Variants in ZC3H12B observed in about 807,000 individuals in gnomAD.
ZC3H12B encodes zinc finger CCCH-type containing 12B, also known as probable ribonuclease ZC3H12B.
ZC3H12B carries 7 observed loss-of-function variants against 43.9 expected under a neutral mutation model. The observed-to-expected ratio is 0.16, with a 90% CI of 0.09 to 0.30. The LOEUF (loss-of-function observed/expected upper bound fraction) is 0.30. ZC3H12B is among the 10% of genes least tolerant of loss of function. The probability of loss-of-function intolerance (pLI) is 1.00; values close to 1 mark genes in which losing one functional copy is unlikely to be tolerated. For synonymous variants in ZC3H12B, 222 were observed against 241.7 expected (o/e 0.92, Z 0.76); for missense variants, 475 against 670.2 (o/e 0.71, Z 3.22).
chrX:65,105,822 A>G, the ZC3H12B span, among the ~76,000 whole-genome samples: 1 of 111,022 alleles, frequency 9.0e-6, no homozygotes, highest in African/African-American at 3.3e-5. Flanking sequence ...AGCCACACTG[A>G]TGGCACTGTA....
At chrX:65,106,637 G>A in the ZC3H12B span, among the ~76,000 whole-genome samples, 1 of 111,086 alleles carries the variant, frequency 9.0e-6, no homozygotes, top group African/African-American at 3.3e-5. Flanking sequence ...TAAGAAGAAA[G>A]GGAAGGAGGT....
At chrX:65,412,345 T>C in intron 3 of ZC3H12B, among the ~76,000 whole-genome samples, 1 of 111,902 alleles carries the variant, frequency 8.9e-6, no homozygotes, top group Non-Finnish European at 1.9e-5. Context: ...ACTTCATTCC[T>C]TTTTATGTCT....
chrX:65,468,273 G>T (rs1287396366), intron 3 of ZC3H12B, among the ~76,000 whole-genome samples: 2 of 111,118 alleles, frequency 1.8e-5, no homozygotes, highest in African/African-American at 6.5e-5. Flanking sequence ...TAAGTATTTG[G>T]CTTCATTTCT....
chrX:65,371,635 C>A (rs979172426), intron 2 of ZC3H12B, among the ~76,000 whole-genome samples: 9 of 111,990 alleles, frequency 8.0e-5, no homozygotes, highest in African/African-American at 2.9e-4. Context: ...AAGCTCTGAA[C>A]AAGATGCAAG....
chrX:65,248,768 G>A, the ZC3H12B span, among the ~76,000 whole-genome samples: 1 of 111,686 alleles, frequency 9.0e-6, no homozygotes, highest in African/African-American at 3.3e-5. Flanking sequence ...TTTGATTATG[G>A]CCATTCGTGC....
the ZC3H12B span, among the ~76,000 whole-genome samples, chrX:65,134,636 C>G: frequency 2.7e-5 from 3 of 111,555 alleles, no homozygotes; most frequent in East Asian, 8.6e-4. Context: ...GTAGGGGGAT[C>G]TCCTCACAGA....
the ZC3H12B span, among the ~76,000 whole-genome samples, chrX:65,280,074 A>G: frequency 8.9e-6 from 1 of 112,155 alleles, no homozygotes; most frequent in Non-Finnish European, 1.9e-5. Flanking sequence ...TAACTCTGAA[A>G]CCAAAAGCAA....
the ZC3H12B span, among the ~76,000 whole-genome samples, chrX:65,231,324 A>G: frequency 9.0e-6 from 1 of 111,211 alleles, no homozygotes; most frequent in African/African-American, 3.3e-5. Flanking sequence ...ATTACTGATG[A>G]GGGTCCATGT....
the ZC3H12B span, among the ~76,000 whole-genome samples, chrX:65,348,919 TG>T: frequency 9.0e-6 from 1 of 111,198 alleles, no homozygotes; most frequent in Non-Finnish European, 1.9e-5. Flanking sequence ...ACCATAATAG[TG>T]GGAGACTTTA....
the ZC3H12B span, among the ~76,000 whole-genome samples, chrX:65,037,821 C>T: frequency 1.7e-4 from 19 of 110,748 alleles, no homozygotes. Context: ...GTTTTTAGTA[C>T]TACATTTAGT....
chrX:65,155,725 T>C, the ZC3H12B span, among the ~76,000 whole-genome samples: 2 of 110,889 alleles, frequency 1.8e-5, no homozygotes, highest in Non-Finnish European at 3.8e-5. Context: ...CCAGGCGTGG[T>C]GGCAGGTGCC....
At position 65,453,249 on chromosome X, in the gene ZC3H12B, T is replaced by A. The variant is rs1018059915; in HGVS notation, n.408-35397T>A. Among the ~76,000 whole-genome samples the A allele has an allele frequency of 2.4e-4, 25 of 104,335 alleles. 2 individuals are homozygous for A. The Admixed American group carries it at 2.5e-3, about 11-fold the overall frequency. 90.6% of individuals were successfully genotyped at this position (104,335 alleles called of 115,157 possible). On this transcript the variant is annotated intron_variant and non_coding_transcript_variant, in intron 3 of 5. Transcript: ENST00000617377. ...GATCCAGCAATCCCACTACTCTATA[T>A]GTATCCAGAGGAAAAGAAGCCATTA...
the ZC3H12B span, among the ~76,000 whole-genome samples, chrX:65,157,310 CTTT>C: frequency 8.9e-6 from 1 of 112,277 alleles, no homozygotes; most frequent in Admixed American, 9.5e-5. Flanking sequence ...TGCCATTGGT[CTTT>C]TTTGATTTAA....
At chrX:65,062,132 T>C in the ZC3H12B span, among the ~76,000 whole-genome samples, 8 of 112,436 alleles carry the variant, frequency 7.1e-5, no homozygotes, top group Non-Finnish European at 1.3e-4. Context: ...ACTCTGATGA[T>C]AGTTTCTTTG....
the ZC3H12B span, among the ~76,000 whole-genome samples, chrX:65,091,604 A>C: frequency 8.9e-6 from 1 of 111,951 alleles, no homozygotes; most frequent in Non-Finnish European, 1.9e-5. Flanking sequence ...GTGATGTAAC[A>C]TGTTACTTAG....
chrX:65,390,589 A>C (rs754006107), intron 2 of ZC3H12B, among the ~76,000 whole-genome samples: 8 of 111,566 alleles, frequency 7.2e-5, no homozygotes, highest in Admixed American at 1.9e-4. Context: ...ACATATTCTT[A>C]GAGAATAAGA....
At chrX:65,388,806 A>G (rs1248634748) in intron 2 of ZC3H12B, among the ~76,000 whole-genome samples, 1 of 111,456 alleles carries the variant, frequency 9.0e-6, no homozygotes, top group Non-Finnish European at 1.9e-5. Context: ...ATGGTGACAT[A>G]CAGATGGGGT....
chrX:65,284,323 A>G, the ZC3H12B span, among the ~76,000 whole-genome samples: 1 of 110,959 alleles, frequency 9.0e-6, no homozygotes, highest in Non-Finnish European at 1.9e-5. Context: ...TTCTCCAGTA[A>G]TAGATCTTAA....
the ZC3H12B span, among the ~76,000 whole-genome samples, chrX:65,321,665 G>A: frequency 9.2e-6 from 1 of 108,933 alleles, no homozygotes; most frequent in African/African-American, 3.4e-5. Flanking sequence ...CTCATCAATG[G>A]TAGACTGGAT....
Sources: gnomAD v4.1 joint callset for allele counts (sites outside exome capture counted in the v4.1 genomes callset) on GRCh38, gnomAD v4.1.1 for gene constraint, MANE v1.5 for transcripts, NCBI Gene and HGNC (gene_info 2026-07-23, HGNC 2026-07-21) for gene names.